Variants in EPHA6 observed in about 807,000 individuals in gnomAD.
The protein encoded by EPHA6 is ephrin type-A receptor 6.
Under a neutral mutation model 112.0 loss-of-function variants are expected in EPHA6, and 50 were observed. The ratio of observed to expected loss-of-function variants is 0.45; its 90% CI spans 0.36 to 0.56. EPHA6 has a LOEUF of 0.56. Among genes scored for constraint, EPHA6 ranks in the 20% least tolerant of loss-of-function variants. The probability of loss-of-function intolerance (pLI) is 0.00; values close to 1 mark genes in which losing one functional copy is unlikely to be tolerated. For synonymous variants in EPHA6, 529 were observed against 490.7 expected, an observed-to-expected ratio of 1.08 and a Z score of -1.03; for missense variants, 1,280 against 1,417.4, an observed-to-expected ratio of 0.90 and a Z score of 1.56.
At chr3:97,548,474 C>T (rs947594338) in intron 11 of EPHA6, among the ~76,000 whole-genome samples, 6 of 152,128 alleles carry the variant, frequency 3.9e-5, no homozygotes, top group Admixed American at 3.9e-4. Flanking sequence ...CCTATTTCTT[C>T]TCAAACTTTT....
intron 11 of EPHA6, 99 bp downstream of exon 11, chr3:97,532,642 G>A: frequency 1.0e-6 from 1 of 992,052 alleles, no homozygotes; most frequent in South Asian, 1.8e-5. Flanking sequence ...AGTCATTAAA[G>A]GAATAACTTA....
chr3:97,012,324 C>CT (rs941075565), intron 3 of EPHA6, among the ~76,000 whole-genome samples: 41 of 144,702 alleles, frequency 2.8e-4, no homozygotes, highest in East Asian at 1.0e-3. Context: ...TCTGTTTTTG[C>CT]TTTTTTTTTT....
intron 3 of EPHA6, among the ~76,000 whole-genome samples, chr3:97,008,756 G>A (rs542846131): frequency 1.9e-4 from 29 of 151,710 alleles, no homozygotes; most frequent in African/African-American, 5.6e-4. Context: ...GTGTAGTTTC[G>A]GCCTTTGAGG....
chr3:97,655,627 C>T (rs1282506491), intron 14 of EPHA6, among the ~76,000 whole-genome samples: 1 of 151,648 alleles, frequency 6.6e-6, no homozygotes, highest in Non-Finnish European at 1.5e-5. Context: ...ATTTATAGTC[C>T]TTTGGGTATA....
intron 14 of EPHA6, among the ~76,000 whole-genome samples, chr3:97,647,947 T>G (rs2094078288): frequency 6.6e-6 from 1 of 152,172 alleles, no homozygotes; most frequent in Admixed American, 6.5e-5. Flanking sequence ...CACTCATCCA[T>G]TTTAAGAGAT....
intron 5 of EPHA6, among the ~76,000 whole-genome samples, chr3:97,307,991 G>C (rs1374320174): frequency 6.7e-6 from 1 of 148,666 alleles, no homozygotes; most frequent in East Asian, 2.0e-4. Context: ...CTTTTTTTTT[G>C]TGTTCCTTTC....
intron 11 of EPHA6, among the ~76,000 whole-genome samples, chr3:97,574,557 G>A (rs2093365029): frequency 6.6e-6 from 1 of 152,086 alleles, no homozygotes; most frequent in African/African-American, 2.4e-5. Flanking sequence ...TTTCAGAGAT[G>A]TGACCAGAGA....
intron 12 of EPHA6, among the ~76,000 whole-genome samples, chr3:97,593,457 T>C (rs546587403): frequency 1.3e-5 from 2 of 152,330 alleles, no homozygotes; most frequent in South Asian, 2.1e-4. Context: ...TTACATTTTA[T>C]ATGTGTCTTA....
At chr3:97,115,588 C>G (rs1229894478) in intron 3 of EPHA6, among the ~76,000 whole-genome samples, 1 of 151,690 alleles carries the variant, frequency 6.6e-6, no homozygotes, top group East Asian at 1.9e-4. Flanking sequence ...AATATGGAGG[C>G]TTCAGCTCCA....
At chr3:97,123,475 C>G (rs1257083789) in intron 3 of EPHA6, among the ~76,000 whole-genome samples, 5 of 152,060 alleles carry the variant, frequency 3.3e-5, no homozygotes, top group Admixed American at 6.6e-5. Flanking sequence ...AGCCAATAAG[C>G]TACTCCCGTA....
chr3:97,007,642 A>G (rs1361687927), intron 3 of EPHA6, among the ~76,000 whole-genome samples: 1 of 152,160 alleles, frequency 6.6e-6, no homozygotes, highest in Non-Finnish European at 1.5e-5. Context: ...TGATCCTGTC[A>G]TCATGATGCT....
chr3:97,479,308 T>A lies in EPHA6; in HGVS notation c.2018T>A (p.Ile673Lys). 6.2e-7 allele frequency: 1 copy of A among 1,602,230 alleles called. No individual in the cohort carries two copies. Among genetic ancestry groups the A allele is most frequent in the Non-Finnish European group, 8.5e-7 (1 of 1,175,840 alleles). Residue 673 changes from isoleucine to lysine, a missense_variant, in exon 9 of 18, where the codon ATA becomes AAA. Coordinates refer to ENST00000389672, the MANE Select transcript of EPHA6 (RefSeq NM_001080448.3). Reference protein sequence around the residue: ...FLITGRCQWYIKAKMKSEEKR... With the variant: ...FLITGRCQWYKKAKMKSEEKR... ...CTTTTTAAAAGATGTCAGTGGTACA[T>A]AAAAGCCAAGATGAAGTCAGAAGAG...
chr3:97,199,948 A>G (rs1429361852), intron 3 of EPHA6, among the ~76,000 whole-genome samples: 1 of 152,118 alleles, frequency 6.6e-6, no homozygotes, highest in Non-Finnish European at 1.5e-5. Flanking sequence ...GCAGCAATCA[A>G]TTGTCTTTTA....
intron 13 of EPHA6, 103 bp from the exon 14 acceptor site, chr3:97,637,770 C>T: frequency 4.8e-6 from 4 of 835,634 alleles, no homozygotes; most frequent in Non-Finnish European, 7.7e-6. Context: ...TGATGCTTAT[C>T]TTCATTTGAT....
intron 3 of EPHA6, among the ~76,000 whole-genome samples, chr3:97,141,142 A>G (rs536845090): frequency 6.6e-5 from 10 of 152,286 alleles, no homozygotes; most frequent in East Asian, 5.8e-4. Context: ...AGATATATCT[A>G]TCCTAAGTAT....
intron 3 of EPHA6, among the ~76,000 whole-genome samples, chr3:97,136,837 T>G (rs2075781578): frequency 6.6e-6 from 1 of 152,184 alleles, no homozygotes; most frequent in Non-Finnish European, 1.5e-5. Flanking sequence ...GATACCTTCA[T>G]ATAAAAATAT....
chr3:97,505,862 T>G (rs955819654), intron 10 of EPHA6, among the ~76,000 whole-genome samples: 2 of 152,240 alleles, frequency 1.3e-5, no homozygotes, highest in Admixed American at 6.5e-5. Context: ...TTCCTGACTT[T>G]TTAATGATCG....
rs147250112 is a variant in EPHA6 at position 97,655,742 on chromosome 3, T to C, written c.2784+17660T>C. 4.4e-3 allele frequency among the ~76,000 whole-genome samples: 451 copies of C among 101,640 alleles called. 1 individual carries two copies. Among genetic ancestry groups the C allele is most frequent in the African/African-American group, 0.017 (435 of 25,456 alleles). The allele number at this position is 101,640 out of a possible 152,430, so 66.7% of individuals were successfully genotyped here. A position where few individuals can be genotyped will look rare whatever the true frequency, so the allele number is the denominator to read the frequency against. ...ACACAGGAAGTGGAACATCACACAC[T>C]GGGGGGCCTGTTGTGGAGTGGGGGG... On this transcript the variant is annotated intron_variant, in intron 14 of 17. Transcript: ENST00000389672.
At chr3:97,565,982 T>C (rs966162818) in intron 11 of EPHA6, among the ~76,000 whole-genome samples, 1 of 143,260 alleles carries the variant, frequency 7.0e-6, no homozygotes, top group African/African-American at 2.6e-5. Context: ...ATCATGCCAC[T>C]GCACTCCAGG....
Sources: gnomAD v4.1 joint callset for allele counts (sites outside exome capture counted in the v4.1 genomes callset) on GRCh38, gnomAD v4.1.1 for gene constraint, MANE v1.5 for transcripts, NCBI Gene and HGNC (gene_info 2026-07-23, HGNC 2026-07-21) for gene names.